SUFU: variants seen among roughly 807,000 people sequenced by gnomAD.
SUFU encodes suppressor of fused homolog.
SUFU carries 7 observed loss-of-function variants against 58.9 expected under a neutral mutation model. The ratio of observed to expected loss-of-function variants is 0.12; its 90% CI spans 0.07 to 0.22. The LOEUF is 0.22. Among genes scored for constraint, SUFU ranks in the 10% least tolerant of loss-of-function variants. The pLI is 1.00. For synonymous variants in SUFU, 232 were observed against 254.8 expected (o/e 0.91, Z 0.85); for missense variants, 451 against 641.3 (o/e 0.70, Z 3.20).
intron 2 of SUFU, among the ~76,000 whole-genome samples, chr10:102,510,108 C>T (rs561407788): frequency 7.9e-5 from 12 of 152,048 alleles, no homozygotes; most frequent in Admixed American, 2.6e-4. Context: ...CCCAAAGTGT[C>T]GGGATTATGG....
intron 2 of SUFU, among the ~76,000 whole-genome samples, chr10:102,522,141 T>C (rs562543064): frequency 6.6e-6 from 1 of 152,362 alleles, no homozygotes; most frequent in African/African-American, 2.4e-5. Context: ...CTAGGGTTTC[T>C]AGATTCTGAA....
Position 102,597,209 on chromosome 10 carries a change from G to A in SUFU, c.826G>A (p.Asp276Asn). 6.2e-7 allele frequency: 1 copy of A among 1,613,994 alleles called. No homozygotes were observed. The highest frequency in any genetic ancestry group is 8.5e-7 in the Non-Finnish European group (1 of 1,180,000). ...TGGTGTCAGTGCCAAGTGTGCCTGG[G>A]ATGACCTGAGCCGGCCCCCCGAGGA... is the stretch of plus-strand genomic sequence containing the variant. The part of the protein sequence containing the change: ...LSGVSAKCAW[D>N]DLSRPPEDDE... The change falls in exon 7 of 12, where the codon GAT (aspartate) becomes AAT (asparagine). Residue 276 changes from aspartate (D) to asparagine (N), a missense_variant. Physicochemically the swap from Asp to Asn is conservative, Grantham distance 23. Coordinates refer to ENST00000369902, the MANE Select transcript of SUFU (RefSeq NM_016169.4).
intron 3 of SUFU, among the ~76,000 whole-genome samples, chr10:102,581,147 T>TCCAG (rs2063272830): frequency 8.2e-6 from 1 of 121,628 alleles, no homozygotes; most frequent in Non-Finnish European, 1.6e-5. Flanking sequence ...GTCATTGCAC[T>TCCAG]CCAGCCTGGG....
intron 2 of SUFU, among the ~76,000 whole-genome samples, chr10:102,514,759 G>T (rs773107957): frequency 6.6e-6 from 1 of 152,200 alleles, no homozygotes; most frequent in Non-Finnish European, 1.5e-5. Flanking sequence ...AGTGGTTTCA[G>T]CATCACTCTG....
intron 9 of SUFU, 52 bp downstream of exon 9, chr10:102,615,454 C>T (rs1444702942): frequency 2.5e-6 from 4 of 1,613,318 alleles, no homozygotes; most frequent in Non-Finnish European, 3.4e-6. Context: ...CCAGCTCAGC[C>T]TCCAGGGGGC....
At chr10:102,543,811 T>A (rs2062827022) in intron 2 of SUFU, among the ~76,000 whole-genome samples, 1 of 152,238 alleles carries the variant, frequency 6.6e-6, no homozygotes, top group South Asian at 2.1e-4. Context: ...TGTTTCCAAA[T>A]GTTTAATCCC....
intron 2 of SUFU, among the ~76,000 whole-genome samples, chr10:102,528,632 C>T (rs1322566752): frequency 6.6e-6 from 1 of 152,060 alleles, no homozygotes; most frequent in African/African-American, 2.4e-5. Flanking sequence ...CACTGAAAGC[C>T]CAGGACAGAG....
chr10:102,617,481 AC>A lies in SUFU; in HGVS notation c.1296+57del. 6.2e-7 allele frequency: 1 copy of A among 1,611,376 alleles called. No individual in the cohort carries two copies. Among genetic ancestry groups the A allele is most frequent in the Non-Finnish European group, 8.5e-7 (1 of 1,178,396 alleles). On this transcript the variant is annotated intron_variant, in intron 10 of 11. Coordinates refer to ENST00000369902, the MANE Select transcript of SUFU (RefSeq NM_016169.4). This position sits in a 1 kb window ranked among gnomAD's most constrained non-coding sequence, Gnocchi z 4.4. ...CTTCCTTTCATAGACTTCCTTGCCC[AC>A]CCCTCCTCTTCTCCCTTGGCAGCTC...
In SUFU at chr10:102,617,487, C is replaced by T; in HGVS notation, c.1296+59C>T. The T allele has an allele frequency of 6.2e-7, 1 of 1,612,052 alleles. No homozygotes were observed. Among genetic ancestry groups the T allele is most frequent in the Middle Eastern group, 1.7e-4 (1 of 6,060 alleles). On this transcript the variant is annotated intron_variant, in intron 10 of 11. Transcript: ENST00000369902. This position sits in a 1 kb window ranked among gnomAD's most constrained non-coding sequence, Gnocchi z 4.4. ...TTCATAGACTTCCTTGCCCACCCCTCCTCTTCTCCCTTGGCAGCTCTTGAT... is the reference window on the plus strand; with the variant it reads ...TTCATAGACTTCCTTGCCCACCCCTTCTCTTCTCCCTTGGCAGCTCTTGAT...
rs1284453701 is a variant in SUFU at position 102,617,140 on chromosome 10, C to T, written c.1158-150C>T. The T allele has an allele frequency of 3.4e-6, 3 of 881,674 alleles. No homozygotes were observed. The African/African-American group carries it at 5.0e-5, about 15-fold the overall frequency. 54.6% of individuals were successfully genotyped at this position (881,674 alleles called of 1,614,324 possible). Reference sequence around the variant, plus strand: ...GAAATGAGCGTGTTTGGATACAGTCCCCTGTTGATGGGCAGGTGGGCAGCC... The same window carrying T: ...GAAATGAGCGTGTTTGGATACAGTCTCCTGTTGATGGGCAGGTGGGCAGCC... On this transcript the variant is annotated intron_variant, in intron 9 of 11. Coordinates refer to ENST00000369902, the MANE Select transcript of SUFU (RefSeq NM_016169.4). The surrounding 1 kb of genome is among the most constrained non-coding windows in gnomAD (Gnocchi z 4.4).
chr10:102,532,137 T>C (rs2062684158), intron 2 of SUFU, among the ~76,000 whole-genome samples: 2 of 152,138 alleles, frequency 1.3e-5, no homozygotes, highest in East Asian at 3.9e-4. Flanking sequence ...TATTTTATTA[T>C]TATTATTTTT....
intron 2 of SUFU, among the ~76,000 whole-genome samples, chr10:102,510,530 GA>G (rs1297198327): frequency 6.8e-6 from 1 of 146,726 alleles, no homozygotes; most frequent in Non-Finnish European, 1.5e-5. Flanking sequence ...ATTTTAAAAA[GA>G]TTTTTTTTGG....
intron 3 of SUFU, 147 bp from the exon 4 acceptor site, chr10:102,592,435 C>T: frequency 2.3e-6 from 2 of 869,082 alleles, no homozygotes; most frequent in South Asian, 2.9e-5. Flanking sequence ...TCTTTGCTTC[C>T]ATCCGGAGTG....
chr10:102,549,216 A>G (rs2062885013), intron 2 of SUFU, among the ~76,000 whole-genome samples: 1 of 152,204 alleles, frequency 6.6e-6, no homozygotes, highest in African/African-American at 2.4e-5. Context: ...ATATAAAGAC[A>G]TACCTGAGAT....
At chr10:102,587,489 C>CA (rs1164600618) in intron 3 of SUFU, among the ~76,000 whole-genome samples, 9 of 152,028 alleles carry the variant, frequency 5.9e-5, no homozygotes, top group African/African-American at 2.2e-4. Context: ...GTTTACAGCA[C>CA]AAACAGTTTG....
chr10:102,621,089 G>C (rs1564709213), intron 10 of SUFU, among the ~76,000 whole-genome samples: 2 of 152,188 alleles, frequency 1.3e-5, no homozygotes, highest in Non-Finnish European at 2.9e-5. Flanking sequence ...GCTTGGGAAG[G>C]TGCTGCCGAG....
intron 3 of SUFU, among the ~76,000 whole-genome samples, chr10:102,581,139 C>G (rs1418499391): frequency 1.5e-5 from 2 of 130,832 alleles, no homozygotes; most frequent in East Asian, 4.5e-4. Flanking sequence ...GAGATTGTGT[C>G]ATTGCACTCC....
intron 3 of SUFU, among the ~76,000 whole-genome samples, chr10:102,561,054 G>A (rs996646104): frequency 6.6e-6 from 1 of 152,268 alleles, no homozygotes; most frequent in East Asian, 1.9e-4. Context: ...TGTTGCCCAG[G>A]CTGATCTCGA....
In SUFU at chr10:102,504,281, C is replaced by A. The variant is rs1453485604; in HGVS notation, c.129C>A (p.Arg43=). The part of the protein sequence containing the change: ...GLHAIYGECR[R]LYPDQPNPLQ... ...ACGCCATCTACGGAGAGTGCCGCCG[C>A]CTTTACCCTGACCAGCCGAACCCGC... The change falls in exon 1 of 12, where the codon CGC becomes CGA. Residue 43 remains arginine (R), a synonymous_variant. Transcript: ENST00000369902. The A allele has an allele frequency of 3.1e-6, 5 of 1,614,082 alleles. No individual in the cohort carries two copies. In the South Asian group the frequency reaches 5.5e-5, roughly 18 times the overall value.
Sources: allele counts gnomAD v4.1 joint callset (sites outside exome capture counted in the v4.1 genomes callset), GRCh38; gene constraint gnomAD v4.1.1; non-coding constraint Gnocchi (gnomAD v3.1); transcripts MANE v1.5; gene names NCBI Gene and HGNC (gene_info 2026-07-23, HGNC 2026-07-21).